Variants in PARP3 observed in about 807,000 individuals in gnomAD.
PARP3 encodes poly(ADP-ribose) polymerase family member 3, also known as protein mono-ADP-ribosyltransferase PARP3.
Under a neutral mutation model 58.2 loss-of-function variants are expected in PARP3, and 46 were observed. That is an observed-to-expected ratio of 0.79 (90% confidence interval 0.62 to 1.01). The LOEUF (loss-of-function observed/expected upper bound fraction) is 1.01. Ranked by LOEUF, PARP3 falls within the 50% of genes least tolerant of loss-of-function variation. The pLI is 0.00. For missense variants in PARP3, 663 were observed against 683.9 expected (o/e 0.97, Z 0.34); for synonymous variants, 252 against 266.4 (o/e 0.95, Z 0.53).
rs780577814 is a variant in PARP3, at chr3:51,945,493, A to G, written c.862-2A>G. ...ACAAACTGCCAGGGCCCATCATCCT[A>G]GGTGCTGGCGGACATCGAGCTGGCC... On this transcript the variant is annotated splice_acceptor_variant, in intron 6 of 10. Coordinates refer to ENST00000398755, the MANE Select transcript of PARP3 (RefSeq NM_001003931.4). LOFTEE classifies it high-confidence loss of function. 3 of 1,613,036 alleles carry G rather than the reference A, an allele frequency of 1.9e-6. No homozygotes were observed. The African/African-American group carries it at 4.0e-5, about 22-fold the overall frequency.
chr3:51,948,294 C>T lies in PARP3; in HGVS notation c.1433-17C>T. On this transcript the variant is annotated splice_polypyrimidine_tract_variant and intron_variant, in intron 10 of 10. Transcript: ENST00000398755. ...CAGTGACCCCTGGGCCACCCTGGCC[C>T]TTGCTGTGCCCTGCAGATCCGACCC... 6.2e-7 allele frequency: 1 copy of T among 1,609,440 alleles called. No individual in the cohort carries two copies. The highest frequency in any genetic ancestry group is 8.5e-7 in the Non-Finnish European group (1 of 1,177,488).
chr3:51,943,608 C>T, intron 2 of PARP3, 70 bp downstream of exon 2: 1 of 1,420,152 alleles, frequency 7.0e-7, no homozygotes. Context: ...AGGCCACCCC[C>T]TTAGGACTCT....
At chr3:51,947,693 C>T in intron 9 of PARP3, 47 bp from the exon 10 acceptor site, 1 of 1,607,996 alleles carries the variant, frequency 6.2e-7, no homozygotes, top group South Asian at 1.1e-5. Flanking sequence ...CACAGGTCAG[C>T]AGGAGGCAGG....
intron 1 of PARP3, 138 bp downstream of exon 1, chr3:51,942,846 A>G (rs752652083): frequency 2.0e-5 from 29 of 1,458,784 alleles, no homozygotes; most frequent in Non-Finnish European, 2.4e-5. Context: ...AAGGGCTTCT[A>G]CAGCTCTGGG....
chr3:51,943,059 G>A (rs934253089), intron 1 of PARP3: 2 of 1,384,568 alleles, frequency 1.4e-6, no homozygotes, highest in East Asian at 2.7e-5. Context: ...GAGCTGCAGA[G>A]GGTAGGGAGC....
Position 51,944,535 on chromosome 3 carries a change from T to C in PARP3, c.458T>C (p.Ile153Thr), listed in dbSNP as rs755552511. ...TCTCACCCGGGCAAGTACACACTTA[T>C]CGAAGTACAGGCAGAGGATGAGGCC... ...FVSHPGKYTL[I>T]EVQAEDEAQE... is the part of the protein sequence containing the mutation. The change falls in exon 4 of 11, where the codon ATC (isoleucine) becomes ACC (threonine). Residue 153 changes from isoleucine (I) to threonine (T), a missense_variant. Transcript: ENST00000398755. The surrounding 1 kb of genome is among the most constrained non-coding windows in gnomAD (Gnocchi z 4.2). The C allele has an allele frequency of 3.1e-6, 5 of 1,614,052 alleles. No individual in the cohort carries two copies. The highest frequency in any genetic ancestry group is 3.4e-6 in the Non-Finnish European group (4 of 1,180,024).
chr3:51,947,382 G>A (rs538992654), intron 9 of PARP3, among the ~76,000 whole-genome samples: 1 of 152,204 alleles, frequency 6.6e-6, no homozygotes, highest in Admixed American at 6.5e-5. Context: ...GGAAAGAGTG[G>A]CGGGGTGGAG....
rs9819090 is a variant in PARP3 at position 51,944,587 on chromosome 3, G to A, written c.501+9G>A. On this transcript the variant is annotated intron_variant, in intron 4 of 10. Coordinates refer to ENST00000398755, the MANE Select transcript of PARP3 (RefSeq NM_001003931.4). The surrounding 1 kb of genome is among the most constrained non-coding windows in gnomAD (Gnocchi z 4.2). ...AGGAAGCTGTGGTGAAGGTGAGATG[G>A]CCAAGGAAGGTGGGCAGGCCCTGGA... The A allele has an allele frequency of 2.1e-3, 3,345 of 1,613,488 alleles. 52 individuals carry two copies. The African/African-American group carries it at 0.034, about 16-fold the overall frequency.
Position 51,944,503 on chromosome 3 carries a change from C to G in PARP3, c.426C>G (p.His142Gln). 6.2e-7 allele frequency: 1 copy of G among 1,614,194 alleles called. No homozygotes were observed. The highest frequency in any genetic ancestry group is 8.5e-7 in the Non-Finnish European group (1 of 1,180,040). The change falls in exon 4 of 11, where the codon CAC (histidine) becomes CAG (glutamine). Residue 142 changes from histidine to glutamine, a missense_variant. Physicochemically the swap from His to Gln is conservative, Grantham distance 24. Transcript: ENST00000398755. This position sits in a 1 kb window ranked among gnomAD's most constrained non-coding sequence, Gnocchi z 4.2. ...AGAACAACTGGGCAGAGCGGGACCA[C>G]TTTGTGTCTCACCCGGGCAAGTACA... is the stretch of plus-strand genomic sequence containing the variant. ...KTKNNWAERD[H>Q]FVSHPGKYTL... is the part of the protein sequence containing the mutation.
At chr3:51,942,770 G>T in intron 1 of PARP3, 62 bp downstream of exon 1, 1 of 1,544,288 alleles carries the variant, frequency 6.5e-7, no homozygotes, top group Non-Finnish European at 8.7e-7. Flanking sequence ...ACTGGCCTTT[G>T]CCCTCTATCA....
At chr3:51,947,005 C>T (rs3774344) in intron 9 of PARP3, among the ~76,000 whole-genome samples, 5,743 of 152,294 alleles carry the variant, frequency 0.038, 202 homozygotes, top group African/African-American at 0.092. Context: ...AGGGGGGCAG[C>T]AGCCAGAGGC....
rs1699616825 is a variant in PARP3, at chr3:51,944,276, TG to T, written c.312+60del. 1.3e-5 allele frequency: 21 copies of T among 1,610,616 alleles called. No individual in the cohort carries two copies. The Admixed American group carries it at 3.2e-4, about 24-fold the overall frequency. On this transcript the variant is annotated intron_variant, in intron 3 of 10. Transcript: ENST00000398755. This position sits in a 1 kb window ranked among gnomAD's most constrained non-coding sequence, Gnocchi z 4.2. ...AGGGTCCTCAAAAGGCCACAGCTACTGACTTGGGGGGGCACCTCCCAACTGT... is the reference window on the plus strand; with the variant it reads ...AGGGTCCTCAAAAGGCCACAGCTACTACTTGGGGGGGCACCTCCCAACTGT...
In PARP3 at chr3:51,944,359, T is replaced by G. The variant is rs2106690806; in HGVS notation, c.313-31T>G. 7 of 1,612,424 alleles carry G rather than the reference T, an allele frequency of 4.3e-6. No homozygotes were observed. Among genetic ancestry groups the G allele is most frequent in the Admixed American group, 3.3e-5 (2 of 59,990 alleles). The stretch of plus-strand genomic sequence containing the variant: ...CACACAGGCCAGCAAATGCTGATGG[T>G]GGGCATACCCCTGAAGGCTGTCGGT... On this transcript the variant is annotated intron_variant, in intron 3 of 10. Coordinates refer to ENST00000398755, the MANE Select transcript of PARP3 (RefSeq NM_001003931.4). The surrounding 1 kb of genome is among the most constrained non-coding windows in gnomAD (Gnocchi z 4.2).
chr3:51,944,827 C>T lies in PARP3; in HGVS notation c.551C>T (p.Ser184Phe). 1 of 1,613,876 alleles carries T rather than the reference C, an allele frequency of 6.2e-7. No individual in the cohort carries two copies. The highest frequency in any genetic ancestry group is 8.5e-7 in the Non-Finnish European group (1 of 1,179,990). ...RTVTKRVQPC[S>F]LDPATQKLIT... ...GTGACTAAGCGGGTGCAGCCCTGCTCCCTGGACCCAGCCACGCAGAAGCTC... is the reference window on the plus strand; with the variant it reads ...GTGACTAAGCGGGTGCAGCCCTGCTTCCTGGACCCAGCCACGCAGAAGCTC... Residue 184 changes from serine (S) to phenylalanine (F), a missense_variant, in exon 5 of 11, where the codon TCC becomes TTC. By Grantham distance (155) the Ser-to-Phe change is radical. Coordinates refer to ENST00000398755, the MANE Select transcript of PARP3 (RefSeq NM_001003931.4). The surrounding 1 kb of genome is among the most constrained non-coding windows in gnomAD (Gnocchi z 4.2).
In PARP3 at chr3:51,944,281, T is replaced by C; in HGVS notation, c.312+64T>C. On this transcript the variant is annotated intron_variant, in intron 3 of 10. Transcript: ENST00000398755. This position sits in a 1 kb window ranked among gnomAD's most constrained non-coding sequence, Gnocchi z 4.2. ...CCTCAAAAGGCCACAGCTACTGACT[T>C]GGGGGGGCACCTCCCAACTGTCCCA... 1.2e-6 allele frequency: 2 copies of C among 1,608,606 alleles called. No individual in the cohort carries two copies. Among genetic ancestry groups the C allele is most frequent in the East Asian group, 2.2e-5 (1 of 44,832 alleles).
intron 1 of PARP3, 99 bp from the exon 2 acceptor site, chr3:51,943,255 G>T: frequency 1.6e-6 from 2 of 1,256,422 alleles, no homozygotes; most frequent in Non-Finnish European, 1.1e-6. Flanking sequence ...GGGGCAAGTT[G>T]GTGCTGTGCT....
chr3:51,942,999 G>A, intron 1 of PARP3: 1 of 1,401,994 alleles, frequency 7.1e-7, no homozygotes, highest in Non-Finnish European at 9.2e-7. Context: ...CCCCGAAGTG[G>A]AAGAGAGAGA....
intron 10 of PARP3, 27 bp downstream of exon 10, chr3:51,947,922 A>G (rs953987953): frequency 6.2e-7 from 1 of 1,609,616 alleles, no homozygotes; most frequent in Non-Finnish European, 8.5e-7. Context: ...TGTACAGCCC[A>G]AGGAGAGAGG....
At position 51,944,825 on chromosome 3, in the gene PARP3, C is replaced by T; in HGVS notation, c.549C>T (p.Cys183=). The T allele has an allele frequency of 6.2e-7, 1 of 1,613,842 alleles. No homozygotes were observed. Among genetic ancestry groups the T allele is most frequent in the Non-Finnish European group, 8.5e-7 (1 of 1,179,982 alleles). The part of the protein sequence containing the change: ...VRTVTKRVQP[C]SLDPATQKLI... ...CTGTGACTAAGCGGGTGCAGCCCTG[C>T]TCCCTGGACCCAGCCACGCAGAAGC... is the stretch of plus-strand genomic sequence containing the variant. The change falls in exon 5 of 11, where the codon TGC becomes TGT. Residue 183 remains cysteine (C), a synonymous_variant. Coordinates refer to ENST00000398755, the MANE Select transcript of PARP3 (RefSeq NM_001003931.4). The surrounding 1 kb of genome is among the most constrained non-coding windows in gnomAD (Gnocchi z 4.2).
Sources: gnomAD v4.1 joint callset for allele counts (sites outside exome capture counted in the v4.1 genomes callset) on GRCh38, gnomAD v4.1.1 for gene constraint, Gnocchi (gnomAD v3.1) non-coding constraint, MANE v1.5 for transcripts, NCBI Gene and HGNC (gene_info 2026-07-23, HGNC 2026-07-21) for gene names.